Variants in KCNJ3 observed in about 807,000 individuals in gnomAD.
KCNJ3 encodes G protein-activated inward rectifier potassium channel 1.
Under a neutral mutation model 39.2 loss-of-function variants are expected in KCNJ3, and 4 were observed. The ratio of observed to expected loss-of-function variants is 0.10; its 90% CI spans 0.05 to 0.23. KCNJ3 has a LOEUF of 0.23. Among genes scored for constraint, KCNJ3 ranks in the 10% least tolerant of loss-of-function variants. The pLI, the probability that KCNJ3 is intolerant of heterozygous loss-of-function variation, is 1.00. For synonymous variants in KCNJ3, 230 were observed against 237.4 expected, an observed-to-expected ratio of 0.97 and a Z score of 0.29; for missense variants, 276 against 634.9, an observed-to-expected ratio of 0.43 and a Z score of 6.08.
intron 2 of KCNJ3, among the ~76,000 whole-genome samples, chr2:154,830,701 G>A (rs1011747296): frequency 6.6e-6 from 1 of 152,078 alleles, no homozygotes; most frequent in Admixed American, 6.6e-5. Flanking sequence ...TGGAGAGACA[G>A]CTTAGTTGGA....
intron 2 of KCNJ3, among the ~76,000 whole-genome samples, chr2:154,827,770 T>C (rs1229821202): frequency 6.6e-6 from 1 of 152,218 alleles, no homozygotes; most frequent in Non-Finnish European, 1.5e-5. Flanking sequence ...ATGTTAGCCA[T>C]ATTCACTGTA....
intron 2 of KCNJ3, among the ~76,000 whole-genome samples, chr2:154,716,702 C>T (rs1364590830): frequency 2.0e-5 from 3 of 152,130 alleles, no homozygotes; most frequent in Middle Eastern, 3.4e-3. Flanking sequence ...TATAAACTTC[C>T]GATATTGGTT....
intron 2 of KCNJ3, among the ~76,000 whole-genome samples, chr2:154,809,502 C>T (rs555712340): frequency 6.6e-6 from 1 of 152,248 alleles, no homozygotes; most frequent in Admixed American, 6.5e-5. Context: ...AAGCAATTAT[C>T]AGAAGCTCTC....
chr2:154,767,469 A>G (rs1686155775), intron 2 of KCNJ3, among the ~76,000 whole-genome samples: 1 of 152,082 alleles, frequency 6.6e-6, no homozygotes, highest in East Asian at 1.9e-4. Context: ...GTTTGCTGAG[A>G]ATGATGGTTT....
intron 2 of KCNJ3, among the ~76,000 whole-genome samples, chr2:154,766,786 C>T (rs1686143964): frequency 6.6e-6 from 1 of 152,074 alleles, no homozygotes; most frequent in Admixed American, 6.5e-5. Context: ...GAACTCCTGA[C>T]CTCGTGACCC....
intron 2 of KCNJ3, among the ~76,000 whole-genome samples, chr2:154,764,197 T>C (rs982286488): frequency 6.6e-6 from 1 of 152,234 alleles, no homozygotes; most frequent in Non-Finnish European, 1.5e-5. Flanking sequence ...TTAAGAGTAA[T>C]GAAAGTGTTT....
At chr2:154,741,341 C>T (rs567906505) in intron 2 of KCNJ3, among the ~76,000 whole-genome samples, 1 of 151,998 alleles carries the variant, frequency 6.6e-6, no homozygotes, top group East Asian at 1.9e-4. Context: ...TTTTGACCAA[C>T]ATTTCCCTGA....
chr2:154,738,965 C>T (rs1685596017), intron 2 of KCNJ3, among the ~76,000 whole-genome samples: 1 of 151,874 alleles, frequency 6.6e-6, no homozygotes, highest in South Asian at 2.1e-4. Context: ...TCTTAGAAAC[C>T]CACCCAAAGT....
chr2:154,819,582 G>T (rs1687135857), intron 2 of KCNJ3, among the ~76,000 whole-genome samples: 1 of 151,962 alleles, frequency 6.6e-6, no homozygotes, highest in Admixed American at 6.6e-5. Context: ...CCAGGCTGGA[G>T]TGCAGTGGCA....
intron 2 of KCNJ3, among the ~76,000 whole-genome samples, chr2:154,759,961 A>G (rs1177614180): frequency 2.6e-5 from 4 of 152,170 alleles, no homozygotes; most frequent in Admixed American, 6.5e-5. Context: ...GTTTCTTTAG[A>G]TAAGACAAGG....
At chr2:154,819,233 T>TGTCCTA (rs1232682258) in intron 2 of KCNJ3, among the ~76,000 whole-genome samples, 1 of 152,100 alleles carries the variant, frequency 6.6e-6, no homozygotes, top group Non-Finnish European at 1.5e-5. Flanking sequence ...CCCAGAACTT[T>TGTCCTA]GTCCTAGTTT....
chr2:154,784,635 C>A (rs2105205817), intron 2 of KCNJ3, among the ~76,000 whole-genome samples: 1 of 152,292 alleles, frequency 6.6e-6, no homozygotes, highest in South Asian at 2.1e-4. Context: ...CCCATCTCAG[C>A]CTCCCAAAGT....
At chr2:154,798,167 A>C in intron 2 of KCNJ3, among the ~76,000 whole-genome samples, 1 of 147,608 alleles carries the variant, frequency 6.8e-6, no homozygotes, top group African/African-American at 2.5e-5. Flanking sequence ...CTATACCACA[A>C]ATACCCATCA....
chr2:154,798,539 G>A (rs1050266720), intron 2 of KCNJ3, among the ~76,000 whole-genome samples: 6 of 152,096 alleles, frequency 3.9e-5, no homozygotes, highest in Admixed American at 6.6e-5. Flanking sequence ...ACAAAAGGTC[G>A]CAGTGATTAA....
chr2:154,748,779 G>C (rs571789473), intron 2 of KCNJ3, among the ~76,000 whole-genome samples: 1 of 152,076 alleles, frequency 6.6e-6, no homozygotes, highest in Admixed American at 6.6e-5. Flanking sequence ...TCAGTGAGAA[G>C]ACAGATCAAC....
chr2:154,842,758 G>T (rs1227309348), intron 2 of KCNJ3, among the ~76,000 whole-genome samples: 2 of 152,082 alleles, frequency 1.3e-5, no homozygotes, highest in African/African-American at 4.8e-5. Flanking sequence ...GACTAGGATT[G>T]CAACACCTGC....
chr2:154,707,923 T>A (rs1685040583), intron 1 of KCNJ3, among the ~76,000 whole-genome samples: 1 of 152,160 alleles, frequency 6.6e-6, no homozygotes, highest in Admixed American at 6.6e-5. Flanking sequence ...GTCTCATTTA[T>A]GTTTTACTAA....
intron 2 of KCNJ3, among the ~76,000 whole-genome samples, chr2:154,770,086 C>A (rs1308336276): frequency 1.3e-5 from 2 of 152,152 alleles, no homozygotes; most frequent in African/African-American, 4.8e-5. Flanking sequence ...GAGTTGCACA[C>A]CTTAACTGAG....
chr2:154,831,313 G>T (rs2105119605), intron 2 of KCNJ3, among the ~76,000 whole-genome samples: 1 of 151,944 alleles, frequency 6.6e-6, no homozygotes, highest in South Asian at 2.1e-4. Context: ...TCATTCAAAA[G>T]AAATGGAAAA....
Sources: allele counts gnomAD v4.1 joint callset (sites outside exome capture counted in the v4.1 genomes callset), GRCh38; gene constraint gnomAD v4.1.1; transcripts MANE v1.5; gene names NCBI Gene and HGNC (gene_info 2026-07-23, HGNC 2026-07-21).